Variants in GABRB1 observed in about 807,000 individuals in gnomAD.
GABRB1 encodes gamma-aminobutyric acid receptor subunit beta-1.
In GABRB1, 17 loss-of-function variants were observed where a neutral mutation model predicts 51.6. The observed-to-expected ratio is 0.33, with a 90% confidence interval of 0.23 to 0.49. The LOEUF (loss-of-function observed/expected upper bound fraction) is 0.49, where lower values mean the gene tolerates loss of function less well. Ranked by LOEUF, GABRB1 falls within the 20% of genes least tolerant of loss-of-function variation. GABRB1 has a pLI of 0.99. For missense variants in GABRB1, 410 were observed against 600.6 expected, an observed-to-expected ratio of 0.68 and a Z score of 3.32; for synonymous variants, 247 against 218.9, an observed-to-expected ratio of 1.13 and a Z score of -1.14.
At chr4:47,174,977 A>C (rs1396300902) in intron 4 of GABRB1, among the ~76,000 whole-genome samples, 2 of 98,064 alleles carry the variant, frequency 2.0e-5, no homozygotes, top group African/African-American at 4.2e-5. Flanking sequence ...CCTTCCTTTC[A>C]TCATTCCTTC....
intron 3 of GABRB1, among the ~76,000 whole-genome samples, chr4:47,113,913 T>C (rs1185176304): frequency 6.6e-6 from 1 of 152,226 alleles, no homozygotes; most frequent in East Asian, 1.9e-4. Flanking sequence ...AGTGTCCAGA[T>C]ACCACCTATA....
intron 3 of GABRB1, among the ~76,000 whole-genome samples, chr4:47,036,006 A>T (rs1033641450): frequency 3.9e-5 from 6 of 152,204 alleles, no homozygotes; most frequent in African/African-American, 1.4e-4. Context: ...CCCCTAGAAG[A>T]CCTTACATCG....
At chr4:47,365,111 C>T (rs572912084) in intron 5 of GABRB1, among the ~76,000 whole-genome samples, 17 of 152,276 alleles carry the variant, frequency 1.1e-4, no homozygotes, top group African/African-American at 3.8e-4. Flanking sequence ...AAAACCTATC[C>T]TCAGTTCCTG....
chr4:47,040,804 G>A (rs1725806637), intron 3 of GABRB1, among the ~76,000 whole-genome samples: 1 of 152,122 alleles, frequency 6.6e-6, no homozygotes, highest in Non-Finnish European at 1.5e-5. Context: ...GCTGGGCAAA[G>A]ACAGAATGGA....
intron 4 of GABRB1, among the ~76,000 whole-genome samples, chr4:47,187,850 C>T (rs754454741): frequency 1.3e-5 from 2 of 151,920 alleles, no homozygotes; most frequent in Non-Finnish European, 2.9e-5. Context: ...TGGACTTCTG[C>T]CTAGGGTCCT....
chr4:47,403,252 C>T (rs1321639467), intron 5 of GABRB1, 66 bp from the exon 6 acceptor site: 1 of 1,569,434 alleles, frequency 6.4e-7, no homozygotes, highest in Non-Finnish European at 8.7e-7. Flanking sequence ...TTTCCTCTAG[C>T]TCCCAGATGG....
At chr4:47,188,255 CCA>C (rs1719270824) in intron 4 of GABRB1, among the ~76,000 whole-genome samples, 1 of 151,830 alleles carries the variant, frequency 6.6e-6, no homozygotes, top group African/African-American at 2.4e-5. Context: ...TTTTAAAAAG[CCA>C]GTTATATTTA....
At chr4:47,267,522 C>T (rs570482098) in intron 4 of GABRB1, among the ~76,000 whole-genome samples, 3 of 152,156 alleles carry the variant, frequency 2.0e-5, no homozygotes, top group East Asian at 1.9e-4. Flanking sequence ...AGGCCAGTTG[C>T]GGTGGCTCAC....
intron 4 of GABRB1, among the ~76,000 whole-genome samples, chr4:47,256,532 CCT>C (rs1166489348): frequency 6.6e-6 from 1 of 152,138 alleles, no homozygotes. Flanking sequence ...TGAAGAACTA[CCT>C]GAGACTGGAT....
intron 3 of GABRB1, among the ~76,000 whole-genome samples, chr4:47,112,636 TATTTC>T (rs1275600938): frequency 6.6e-6 from 1 of 152,240 alleles, no homozygotes; most frequent in East Asian, 1.9e-4. Context: ...CCTGTCAGTT[TATTTC>T]ATTTTCTGAG....
chr4:47,355,109 C>T (rs756440680), intron 5 of GABRB1, among the ~76,000 whole-genome samples: 3 of 150,888 alleles, frequency 2.0e-5, no homozygotes, highest in Non-Finnish European at 3.0e-5. Flanking sequence ...CCTCAGCCTC[C>T]CAAGTAGCTG....
intron 3 of GABRB1, among the ~76,000 whole-genome samples, chr4:47,127,149 AT>A (rs1186833287): frequency 6.6e-6 from 1 of 151,842 alleles, no homozygotes; most frequent in East Asian, 1.9e-4. Flanking sequence ...TAATTTCCTA[AT>A]TATAGTATCT....
intron 3 of GABRB1, among the ~76,000 whole-genome samples, chr4:47,055,837 T>C (rs899497681): frequency 6.6e-6 from 1 of 152,214 alleles, no homozygotes; most frequent in Non-Finnish European, 1.5e-5. Context: ...AAGCCTGCTT[T>C]CAAGACTGGA....
intron 1 of GABRB1, among the ~76,000 whole-genome samples, chr4:47,018,660 G>A (rs1264424736): frequency 1.3e-5 from 2 of 151,934 alleles, no homozygotes; most frequent in South Asian, 2.1e-4. Flanking sequence ...ACATGCATTG[G>A]GTACTGCATT....
intron 3 of GABRB1, among the ~76,000 whole-genome samples, chr4:47,103,216 A>G (rs1714795651): frequency 1.3e-5 from 2 of 152,032 alleles, no homozygotes; most frequent in African/African-American, 2.4e-5. Context: ...ATATAGAAAC[A>G]AAGTAGGAAA....
At chr4:47,402,582 A>C (rs1352187914) in intron 5 of GABRB1, among the ~76,000 whole-genome samples, 1 of 152,220 alleles carries the variant, frequency 6.6e-6, no homozygotes, top group Non-Finnish European at 1.5e-5. Flanking sequence ...GAAGAGGAAG[A>C]GATTAGGCCA....
chr4:47,014,223 C>T (rs1560496084), intron 1 of GABRB1, among the ~76,000 whole-genome samples: 1 of 152,086 alleles, frequency 6.6e-6, no homozygotes, highest in Non-Finnish European at 1.5e-5. Context: ...TCCTATTCTG[C>T]ACTTTTACAA....
At chr4:47,299,742 A>G (rs1484897748) in intron 4 of GABRB1, among the ~76,000 whole-genome samples, 3 of 152,180 alleles carry the variant, frequency 2.0e-5, no homozygotes, top group Non-Finnish European at 2.9e-5. Flanking sequence ...ATTACTGGGT[A>G]TATACCCAAA....
chr4:47,259,000 A>G (rs1191817767), intron 4 of GABRB1, among the ~76,000 whole-genome samples: 1 of 152,126 alleles, frequency 6.6e-6, no homozygotes, highest in East Asian at 1.9e-4. Flanking sequence ...AAGTGAATCT[A>G]TTCCAGGTCA....
Sources: allele counts gnomAD v4.1 joint callset (sites outside exome capture counted in the v4.1 genomes callset), GRCh38; gene constraint gnomAD v4.1.1; transcripts MANE v1.5; gene names NCBI Gene and HGNC (gene_info 2026-07-23, HGNC 2026-07-21).